CBLL1: variants seen among roughly 807,000 people sequenced by gnomAD.
CBLL1 encodes the protein E3 ubiquitin-protein ligase Hakai.
A neutral mutation model predicts 44.9 loss-of-function variants in CBLL1; 4 were observed. The ratio of observed to expected loss-of-function variants is 0.09; its 90% CI spans 0.04 to 0.20. The LOEUF (loss-of-function observed/expected upper bound fraction) is 0.20. Among genes scored for constraint, CBLL1 ranks in the 10% least tolerant of loss-of-function variants. The pLI, the probability that CBLL1 is intolerant of heterozygous loss-of-function variation, is 1.00. For synonymous variants in CBLL1, 235 were observed against 202.2 expected (o/e 1.16, Z -1.38); for missense variants, 569 against 636.7 (o/e 0.89, Z 1.14).
At chr7:107,753,647 A>C in intron 3 of CBLL1, 136 bp downstream of exon 3, 1 of 579,810 alleles carries the variant, frequency 1.7e-6, no homozygotes, top group East Asian at 3.2e-5. Flanking sequence ...AGCACATACA[A>C]ATCATTTGTT....
At chr7:107,749,922 G>T (rs1449926962) in intron 2 of CBLL1, among the ~76,000 whole-genome samples, 1 of 143,222 alleles carries the variant, frequency 7.0e-6, no homozygotes, top group Non-Finnish European at 1.5e-5. Flanking sequence ...ATGTATGTGC[G>T]TGTGTGTATA....
At position 107,759,194 on chromosome 7, in the gene CBLL1, TGGAA is replaced by T; in HGVS notation, c.*18_*21del. 6.4e-7 allele frequency: 1 copy of T among 1,559,014 alleles called. No individual in the cohort carries two copies. Among genetic ancestry groups the T allele is most frequent in the Non-Finnish European group, 8.7e-7 (1 of 1,153,448 alleles). The stretch of plus-strand genomic sequence containing the variant: ...TTACCAATGATAATAGTATTTTGAA[TGGAA>T]GATATGAGGGGGAAAAAAACTTATG... On this transcript the variant is annotated 3_prime_UTR_variant, in exon 6 of 6. Coordinates refer to ENST00000440859, the MANE Select transcript of CBLL1 (RefSeq NM_024814.4).
intron 2 of CBLL1, among the ~76,000 whole-genome samples, chr7:107,749,601 C>CT (rs35477663): frequency 0.02 from 2,739 of 138,544 alleles, 61 homozygotes; most frequent in African/African-American, 0.065. Context: ...CAGATTTGGC[C>CT]TTTTTTTTTT....
chr7:107,744,320 G>T, intron 1 of CBLL1, 144 bp downstream of exon 1: 1 of 1,062,116 alleles, frequency 9.4e-7, no homozygotes, highest in Non-Finnish European at 1.3e-6. Flanking sequence ...ATGCCTTCCT[G>T]TGCCCGGCAG....
Position 107,753,415 on chromosome 7 carries a change from A to G in CBLL1, c.186A>G (p.Gly62=). Residue 62 remains glycine (G), a synonymous_variant, in exon 3 of 6, where the codon GGA becomes GGG. Coordinates refer to ENST00000440859, the MANE Select transcript of CBLL1 (RefSeq NM_024814.4). ...PAKAPPGDEE[G]FDYNEEERYD... is the part of the protein sequence containing the mutation. ...GCAATACTTTTTTTTTCTCAGAAGG[A>G]TTTGATTATAATGAAGAAGAACGGT... The G allele has an allele frequency of 6.4e-7, 1 of 1,566,718 alleles. No homozygotes were observed. Among genetic ancestry groups the G allele is most frequent in the Non-Finnish European group, 8.6e-7 (1 of 1,162,438 alleles).
intron 2 of CBLL1, 23 bp downstream of exon 2, chr7:107,749,070 C>T: frequency 6.2e-7 from 1 of 1,608,682 alleles, no homozygotes; most frequent in Non-Finnish European, 8.5e-7. Context: ...ACTAATAGGT[C>T]CAACACTCTT....
chr7:107,759,469 A>G lies in CBLL1; in HGVS notation c.*291A>G. 2 of 265,090 alleles carry G rather than the reference A, an allele frequency of 7.5e-6. No individual in the cohort carries two copies. The highest frequency in any genetic ancestry group is 1.4e-5 in the Non-Finnish European group (2 of 140,648). 16.4% of individuals were successfully genotyped at this position (265,090 alleles called of 1,614,324 possible). The stretch of plus-strand genomic sequence containing the variant: ...GACCATTTGTAAAAAATTTGAAAAA[A>G]TTTTTCATTGTTTTACTTCAAAAGT... On this transcript the variant is annotated 3_prime_UTR_variant, in exon 6 of 6. Transcript: ENST00000440859.
Position 107,758,003 on chromosome 7 carries a change from G to C in CBLL1, c.441-140G>C. On this transcript the variant is annotated intron_variant, in intron 5 of 5. Coordinates refer to ENST00000440859, the MANE Select transcript of CBLL1 (RefSeq NM_024814.4). This position sits in a 1 kb window ranked among gnomAD's most constrained non-coding sequence, Gnocchi z 4.2. ...GTAGGGAAGATTAAAGGTTTGCGTA[G>C]AATAACTGTAACTTCTAATTGTGGA... 2 of 775,766 alleles carry C rather than the reference G, an allele frequency of 2.6e-6. No individual in the cohort carries two copies. The highest frequency in any genetic ancestry group is 4.0e-6 in the Non-Finnish European group (2 of 499,136). The allele number at this position is 775,766 out of a possible 1,614,324, so 48.1% of individuals were successfully genotyped here.
rs142445681 is a variant in CBLL1, at chr7:107,755,466, A to G, written c.415A>G (p.Lys139Glu). The G allele has an allele frequency of 3.8e-6, 6 of 1,588,562 alleles. No homozygotes were observed. In the African/African-American group the frequency reaches 4.1e-5, roughly 11 times the overall value. ...CTATGACTGTGCTATTTTACATGAA[A>G]AAAAGGGAGATAAGATGTGTCCAGG... ...FCYDCAILHEKKGDKMCPGCS... is the reference protein window; with the variant it reads ...FCYDCAILHEEKGDKMCPGCS... Residue 139 changes from lysine (K) to glutamate (E), a missense_variant, in exon 5 of 6, where the codon AAA (lysine) becomes GAA (glutamate). By Grantham distance (56) the Lys-to-Glu change is moderately conservative (BLOSUM62 1). This residue lies in a region of CBLL1 where 209 missense variants were observed against 202.8 expected (regional missense o/e 1.03). Coordinates refer to ENST00000440859, the MANE Select transcript of CBLL1 (RefSeq NM_024814.4).
rs1793135055 is a variant in CBLL1, at chr7:107,748,922, G to A, written c.56G>A (p.Gly19Asp). ...ACTAATAGTTCTGGATCCTTGGGTG[G>A]TCTTGATGTTCGCAGACGAATTCCT... ...QGTNSSGSLGGLDVRRRIPIK... is the reference protein window; with the variant it reads ...QGTNSSGSLGDLDVRRRIPIK... Residue 19 changes from glycine to aspartate, a missense_variant, in exon 2 of 6, where the codon GGT becomes GAT. Around this residue, in one of 5 missense-constraint regions of CBLL1, gnomAD observed 209 missense variants for 202.8 expected, o/e 1.03. Transcript: ENST00000440859. 1 of 1,613,706 alleles carries A rather than the reference G, an allele frequency of 6.2e-7. No homozygotes were observed.
In CBLL1 at chr7:107,749,031, T is replaced by A; in HGVS notation, c.165T>A (p.Ala55=). 1 of 1,614,024 alleles carries A rather than the reference T, an allele frequency of 6.2e-7. No homozygotes were observed. Among genetic ancestry groups the A allele is most frequent in the East Asian group, 2.2e-5 (1 of 44,866 alleles). Residue 55 remains alanine (A), a synonymous_variant, in exon 2 of 6, where the codon GCT becomes GCA. Transcript: ENST00000440859. ...QRTINRMPAK[A]PPGDEEGFDY... ...CTATAAACAGGATGCCTGCAAAGGC[T>A]CCACCTGGTGATGAAGGTAATTTGT...
In CBLL1 at chr7:107,748,914, C is replaced by T. The variant is rs17154400; in HGVS notation, c.48C>T (p.Ser16=). 2.6e-3 allele frequency: 4,249 copies of T among 1,613,210 alleles called. 78 individuals carry two copies. In the African/African-American group the frequency reaches 0.047, roughly 18 times the overall value. ...NELQGTNSSG[S]LGGLDVRRRI... ...TACAAGGCACTAATAGTTCTGGATC[C>T]TTGGGTGGTCTTGATGTTCGCAGAC... is the stretch of plus-strand genomic sequence containing the variant. The change falls in exon 2 of 6, where the codon TCC becomes TCT. Residue 16 remains serine, a synonymous_variant. Coordinates refer to ENST00000440859, the MANE Select transcript of CBLL1 (RefSeq NM_024814.4).
chr7:107,744,379 C>T, intron 1 of CBLL1: 1 of 576,252 alleles, frequency 1.7e-6, no homozygotes, highest in Non-Finnish European at 2.8e-6. Context: ...CTACCTCCTC[C>T]GTGCCGGCAA....
Position 107,759,281 on chromosome 7 carries a change from G to A in CBLL1, c.*103G>A. ...GGAAGGAAGAGTACCTCTTATCGAGGTAGTATAAAACACATAGGGTCTTGT... is the reference window on the plus strand; with the variant it reads ...GGAAGGAAGAGTACCTCTTATCGAGATAGTATAAAACACATAGGGTCTTGT... On this transcript the variant is annotated 3_prime_UTR_variant, in exon 6 of 6. Transcript: ENST00000440859. The A allele has an allele frequency of 9.6e-7, 1 of 1,041,632 alleles. No homozygotes were observed. The highest frequency in any genetic ancestry group is 1.4e-6 in the Non-Finnish European group (1 of 720,698). 64.5% of individuals were successfully genotyped at this position (1,041,632 alleles called of 1,614,324 possible).
At chr7:107,749,417 TTTC>T in intron 2 of CBLL1, 1 of 154,922 alleles carries the variant, frequency 6.5e-6, no homozygotes, top group Middle Eastern at 3.2e-3. Context: ...TTGAGATTTT[TTTC>T]TTATCAGTAC....
chr7:107,747,830 T>G (rs1793089575), intron 1 of CBLL1, among the ~76,000 whole-genome samples: 2 of 152,218 alleles, frequency 1.3e-5, no homozygotes, highest in South Asian at 4.1e-4. Flanking sequence ...CAAATTTGGC[T>G]TTGCTGAATT....
chr7:107,759,230 C>A lies in CBLL1; in HGVS notation c.*52C>A. 6.8e-7 allele frequency: 1 copy of A among 1,466,536 alleles called. No homozygotes were observed. The highest frequency in any genetic ancestry group is 9.2e-7 in the Non-Finnish European group (1 of 1,088,928). 90.8% of individuals were successfully genotyped at this position (1,466,536 alleles called of 1,614,324 possible). A position where few individuals can be genotyped will look rare whatever the true frequency, so the allele number is the denominator to read the frequency against. ...AGGGGGAAAAAAACTTATGTGTAGT[C>A]AATCTTTTAAGCTTTGACTGTTTTG... On this transcript the variant is annotated 3_prime_UTR_variant, in exon 6 of 6. Coordinates refer to ENST00000440859, the MANE Select transcript of CBLL1 (RefSeq NM_024814.4).
chr7:107,755,662 G>A, intron 5 of CBLL1, 171 bp downstream of exon 5: 2 of 369,620 alleles, frequency 5.4e-6, no homozygotes, highest in Non-Finnish European at 9.9e-6. Flanking sequence ...TTTAATATAG[G>A]GCAAGGTAGC....
chr7:107,757,171 A>G (rs1444276897), intron 5 of CBLL1, among the ~76,000 whole-genome samples: 1 of 152,216 alleles, frequency 6.6e-6, no homozygotes, highest in Admixed American at 6.5e-5. Flanking sequence ...ATAATTGCTT[A>G]TATATGTACA....
Sources: allele counts gnomAD v4.1 joint callset (sites outside exome capture counted in the v4.1 genomes callset), GRCh38; gene constraint gnomAD v4.1.1; regional missense constraint gnomAD v4.1.1; non-coding constraint Gnocchi (gnomAD v3.1); transcripts MANE v1.5; gene names NCBI Gene and HGNC (gene_info 2026-07-23, HGNC 2026-07-21).